The following BCKDHB variants were observed in gnomAD, a reference collection of about 807,000 sequenced individuals.
The protein encoded by BCKDHB is branched chain keto acid dehydrogenase E1 subunit beta, also known as 2-oxoisovalerate dehydrogenase subunit beta, mitochondrial.
A neutral mutation model predicts 48.5 loss-of-function variants in BCKDHB; 41 were observed. That is an observed-to-expected ratio of 0.85 (90% confidence interval 0.66 to 1.10). BCKDHB has a LOEUF of 1.10. Among genes scored for constraint, BCKDHB ranks in the 50% least tolerant of loss-of-function variants. The pLI is 0.00. For missense variants in BCKDHB, 496 were observed against 494.2 expected, an observed-to-expected ratio of 1.00 and a Z score of -0.03; for synonymous variants, 201 against 174.8, an observed-to-expected ratio of 1.15 and a Z score of -1.18.
chr6:80,409,537 G>A, the BCKDHB span, among the ~76,000 whole-genome samples: 1 of 120,574 alleles, frequency 8.3e-6, no homozygotes, highest in Non-Finnish European at 1.7e-5. Context: ...GGTCTCTAAG[G>A]ACTTGCTTTA....
intron 1 of BCKDHB, among the ~76,000 whole-genome samples, chr6:80,121,529 T>C (rs1370522885): frequency 6.6e-6 from 1 of 152,216 alleles, no homozygotes; most frequent in Non-Finnish European, 1.5e-5. Context: ...GTGTCCTCTT[T>C]TATTTTGTTG....
intron 8 of BCKDHB, among the ~76,000 whole-genome samples, chr6:80,236,999 G>C (rs1776172252): frequency 6.6e-6 from 1 of 152,110 alleles, no homozygotes; most frequent in South Asian, 2.1e-4. Context: ...ACCAACAAAA[G>C]AATAAGGAAA....
chr6:80,430,816 T>G, the BCKDHB span, among the ~76,000 whole-genome samples: 2 of 152,172 alleles, frequency 1.3e-5, no homozygotes, highest in Non-Finnish European at 2.9e-5. Context: ...TGTCTCTATC[T>G]CCTTCAATTC....
the BCKDHB span, among the ~76,000 whole-genome samples, chr6:80,408,668 T>G: frequency 6.6e-6 from 1 of 152,142 alleles, no homozygotes; most frequent in Non-Finnish European, 1.5e-5. Context: ...TATTCTCTGA[T>G]GGTAGTTTGT....
chr6:80,346,419 T>A (rs1209564901), downstream of BCKDHB: 1 of 152,198 alleles, frequency 6.6e-6, no homozygotes, highest in Non-Finnish European at 1.5e-5. Flanking sequence ...TTTGGTTCAG[T>A]TCTTTATGAC....
chr6:80,213,342 A>G (rs1775023992), intron 8 of BCKDHB, among the ~76,000 whole-genome samples: 2 of 152,238 alleles, frequency 1.3e-5, no homozygotes, highest in Admixed American at 6.5e-5. Flanking sequence ...TCTTATTAGA[A>G]TAGGAACAAT....
At chr6:80,169,500 G>A (rs1396721322) in intron 5 of BCKDHB, among the ~76,000 whole-genome samples, 1 of 151,916 alleles carries the variant, frequency 6.6e-6, no homozygotes, top group Non-Finnish European at 1.5e-5. Context: ...CTGTTACCTA[G>A]ATTTTTTTTT....
At chr6:80,413,828 G>C in the BCKDHB span, among the ~76,000 whole-genome samples, 1 of 152,186 alleles carries the variant, frequency 6.6e-6, no homozygotes, top group Non-Finnish European at 1.5e-5. Flanking sequence ...TAATGGGGTT[G>C]CTGGGTCATA....
chr6:80,365,523 CAAG>C, the BCKDHB span, among the ~76,000 whole-genome samples: 1 of 152,106 alleles, frequency 6.6e-6, no homozygotes, highest in East Asian at 1.9e-4. Flanking sequence ...AGGCTCTCTG[CAAG>C]AAGAAAAATA....
At chr6:80,161,594 G>A (rs73479948) in intron 3 of BCKDHB, among the ~76,000 whole-genome samples, 1,753 of 152,274 alleles carry the variant, frequency 0.012, 32 homozygotes, top group African/African-American at 0.04. Flanking sequence ...ACCTCAGGCT[G>A]ATCCTCTTTG....
intron 8 of BCKDHB, among the ~76,000 whole-genome samples, chr6:80,226,187 A>G (rs1314379072): frequency 6.6e-6 from 1 of 152,148 alleles, no homozygotes; most frequent in African/African-American, 2.4e-5. Context: ...CATTGTGTAG[A>G]GTCTTATTTT....
At chr6:80,308,654 G>T (rs1767996134) in intron 9 of BCKDHB, among the ~76,000 whole-genome samples, 1 of 151,178 alleles carries the variant, frequency 6.6e-6, no homozygotes, top group Admixed American at 6.6e-5. Flanking sequence ...GAGTGCAGTG[G>T]CGTGATCCCG....
At chr6:80,144,875 C>A (rs1771402347) in intron 3 of BCKDHB, among the ~76,000 whole-genome samples, 1 of 152,172 alleles carries the variant, frequency 6.6e-6, no homozygotes, top group Admixed American at 6.6e-5. Flanking sequence ...ACTGCACAGT[C>A]TTCCACTGTT....
chr6:80,208,246 A>G (rs1237657693), intron 8 of BCKDHB, among the ~76,000 whole-genome samples: 1 of 151,842 alleles, frequency 6.6e-6, no homozygotes, highest in Non-Finnish European at 1.5e-5. Context: ...GGATTACAGA[A>G]GAAACTCAAA....
chr6:80,372,611 A>G, the BCKDHB span, among the ~76,000 whole-genome samples: 1 of 151,834 alleles, frequency 6.6e-6, no homozygotes, highest in Non-Finnish European at 1.5e-5. Flanking sequence ...TTATTTCCTC[A>G]ATGTGTGTCC....
chr6:80,454,010 C>T, the BCKDHB span: 2 of 152,142 alleles, frequency 1.3e-5, no homozygotes, highest in African/African-American at 4.8e-5. Flanking sequence ...ATGTTGAGCC[C>T]TGTGACATGA....
intron 8 of BCKDHB, among the ~76,000 whole-genome samples, chr6:80,264,948 C>T (rs1171646481): frequency 6.6e-6 from 1 of 152,030 alleles, no homozygotes; most frequent in Non-Finnish European, 1.5e-5. Flanking sequence ...GGCCATTAAG[C>T]ACCTGGAAAT....
the BCKDHB span, among the ~76,000 whole-genome samples, chr6:80,381,983 T>C: frequency 3.3e-5 from 5 of 152,106 alleles, no homozygotes; most frequent in African/African-American, 9.7e-5. Context: ...TTTTATTAAA[T>C]ACAATGTAAT....
chr6:80,138,872 C>T (rs1163972556), intron 3 of BCKDHB, among the ~76,000 whole-genome samples: 8 of 152,178 alleles, frequency 5.3e-5, no homozygotes, highest in African/African-American at 1.9e-4. Flanking sequence ...CCTGAGGAAT[C>T]GCCACACTGA....
Sources: allele counts gnomAD v4.1 joint callset (sites outside exome capture counted in the v4.1 genomes callset), GRCh38; gene constraint gnomAD v4.1.1; transcripts MANE v1.5; gene names NCBI Gene and HGNC (gene_info 2026-07-23, HGNC 2026-07-21).